The following SLC24A2 variants were observed in gnomAD, a reference collection of about 807,000 sequenced individuals.
The protein encoded by SLC24A2 is sodium/potassium/calcium exchanger 2.
A neutral mutation model predicts 62.0 loss-of-function variants in SLC24A2; 36 were observed. That is an observed-to-expected ratio of 0.58 (90% CI 0.44 to 0.77). The LOEUF (loss-of-function observed/expected upper bound fraction) is 0.77. Ranked by LOEUF, SLC24A2 falls within the 30% of genes least tolerant of loss-of-function variation. The probability of loss-of-function intolerance (pLI) is 0.00; values close to 1 mark genes in which losing one functional copy is unlikely to be tolerated. For synonymous variants in SLC24A2, 358 were observed against 294.0 expected, an observed-to-expected ratio of 1.22 and a Z score of -2.23; for missense variants, 846 against 817.9, an observed-to-expected ratio of 1.03 and a Z score of -0.42.
chr9:20,134,715 T>TTAACCTTCTCACAAGGACTTTAC, the SLC24A2 span, among the ~76,000 whole-genome samples: 1 of 152,186 alleles, frequency 6.6e-6, no homozygotes, highest in East Asian at 1.9e-4. Flanking sequence ...TAATTACTTT[T>TTAACCTTCTCACAAGGACTTTAC]GCTTGCTGGA....
chr9:20,266,902 A>AC, the SLC24A2 span, among the ~76,000 whole-genome samples: 1 of 152,038 alleles, frequency 6.6e-6, no homozygotes, highest in Non-Finnish European at 1.5e-5. Context: ...ACAGAATGAG[A>AC]CCCCATCTCC....
chr9:19,948,500 C>G, the SLC24A2 span, among the ~76,000 whole-genome samples: 2 of 152,192 alleles, frequency 1.3e-5, no homozygotes, highest in Non-Finnish European at 2.9e-5. Context: ...AACAGTATTT[C>G]CAACTTCATT....
At chr9:19,800,090 CT>C in the SLC24A2 span, among the ~76,000 whole-genome samples, 1 of 152,212 alleles carries the variant, frequency 6.6e-6, no homozygotes, top group Admixed American at 6.5e-5. Flanking sequence ...TCTCTATTCT[CT>C]TCTTATAAAG....
chr9:19,771,289 C>T (rs556503150), intron 2 of SLC24A2, among the ~76,000 whole-genome samples: 2 of 152,180 alleles, frequency 1.3e-5, no homozygotes, highest in Admixed American at 1.3e-4. Context: ...CCTCCTAAAG[C>T]ACAACACTAT....
chr9:19,545,252 C>T (rs888418947), intron 8 of SLC24A2, among the ~76,000 whole-genome samples: 4 of 151,866 alleles, frequency 2.6e-5, no homozygotes, highest in Admixed American at 6.6e-5. Context: ...TCACAGAATT[C>T]TCATGCTGTG....
chr9:20,125,033 G>C, the SLC24A2 span, among the ~76,000 whole-genome samples: 9 of 152,154 alleles, frequency 5.9e-5, no homozygotes, highest in African/African-American at 1.2e-4. Context: ...ACTTCTCTGA[G>C]CCTCAGTGAA....
At chr9:20,104,020 G>A in the SLC24A2 span, among the ~76,000 whole-genome samples, 1 of 152,194 alleles carries the variant, frequency 6.6e-6, no homozygotes, top group Non-Finnish European at 1.5e-5. Context: ...TGATGGAGCT[G>A]AAAGCCAAGG....
chr9:20,023,239 G>A, the SLC24A2 span, among the ~76,000 whole-genome samples: 1 of 152,202 alleles, frequency 6.6e-6, no homozygotes. Context: ...TTGACCTGGT[G>A]TTACAGTGTT....
chr9:20,225,944 G>GAA, the SLC24A2 span, among the ~76,000 whole-genome samples: 1 of 151,902 alleles, frequency 6.6e-6, no homozygotes, highest in Non-Finnish European at 1.5e-5. Context: ...AAGAAGGGAG[G>GAA]AAGAGAGAGA....
the SLC24A2 span, among the ~76,000 whole-genome samples, chr9:20,288,291 C>A: frequency 4.6e-5 from 7 of 152,104 alleles, no homozygotes; most frequent in Non-Finnish European, 7.3e-5. Flanking sequence ...GTTCATATGG[C>A]AGTTTGTATT....
chr9:19,758,023 G>A (rs554726576), intron 2 of SLC24A2, among the ~76,000 whole-genome samples: 4 of 152,188 alleles, frequency 2.6e-5, no homozygotes, highest in Admixed American at 2.0e-4. Flanking sequence ...CCATGACCTT[G>A]AAATTCCCAG....
chr9:19,708,702 T>A (rs958397580), intron 2 of SLC24A2, among the ~76,000 whole-genome samples: 4 of 152,154 alleles, frequency 2.6e-5, no homozygotes, highest in African/African-American at 9.7e-5. Flanking sequence ...TGGCTAGCCA[T>A]ATGGAGAAAG....
chr9:19,773,363 A>T (rs763247663), intron 2 of SLC24A2, among the ~76,000 whole-genome samples: 12 of 152,228 alleles, frequency 7.9e-5, no homozygotes, highest in Non-Finnish European at 1.3e-4. Context: ...GAAACATTAT[A>T]TAAGGCTAGA....
At chr9:20,120,675 C>T in the SLC24A2 span, among the ~76,000 whole-genome samples, 1 of 151,938 alleles carries the variant, frequency 6.6e-6, no homozygotes, top group African/African-American at 2.4e-5. Context: ...AACAAATCTG[C>T]ATATCTACCC....
chr9:20,101,877 C>A, the SLC24A2 span, among the ~76,000 whole-genome samples: 8 of 152,240 alleles, frequency 5.3e-5, no homozygotes, highest in African/African-American at 1.9e-4. Flanking sequence ...GAAAGCCTGC[C>A]TAAAGATTCA....
chr9:20,286,998 C>A, the SLC24A2 span, among the ~76,000 whole-genome samples: 3 of 152,240 alleles, frequency 2.0e-5, no homozygotes, highest in South Asian at 4.2e-4. Context: ...AATACTGATT[C>A]CTTGACCCTA....
At chr9:20,104,116 G>A in the SLC24A2 span, among the ~76,000 whole-genome samples, 44 of 152,120 alleles carry the variant, frequency 2.9e-4, no homozygotes, top group Admixed American at 2.8e-3. Flanking sequence ...AAGATGAAAT[G>A]AATGAAATGA....
At chr9:19,734,939 C>T (rs1821459161) in intron 2 of SLC24A2, among the ~76,000 whole-genome samples, 1 of 151,990 alleles carries the variant, frequency 6.6e-6, no homozygotes, top group Non-Finnish European at 1.5e-5. Flanking sequence ...CCATTCAGGA[C>T]ATAGGCATGG....
the SLC24A2 span, among the ~76,000 whole-genome samples, chr9:19,847,404 C>T: frequency 3.3e-5 from 5 of 152,154 alleles, no homozygotes; most frequent in Non-Finnish European, 7.4e-5. Context: ...GCCTTGGCTA[C>T]CAAGAAGTTC....
Sources: allele counts gnomAD v4.1 joint callset (sites outside exome capture counted in the v4.1 genomes callset), GRCh38; gene constraint gnomAD v4.1.1; transcripts MANE v1.5; gene names NCBI Gene and HGNC (gene_info 2026-07-23, HGNC 2026-07-21).